The following PGBD5 variants were observed in gnomAD, a reference collection of about 807,000 sequenced individuals.
PGBD5 encodes the protein piggyBac transposable element-derived protein 5.
A neutral mutation model predicts 47.9 loss-of-function variants in PGBD5; 14 were observed. The observed-to-expected ratio is 0.29, with a 90% CI of 0.19 to 0.46. The LOEUF (loss-of-function observed/expected upper bound fraction) is 0.46, where lower values mean the gene tolerates loss of function less well. Among genes scored for constraint, PGBD5 ranks in the 20% least tolerant of loss-of-function variants. PGBD5 has a pLI of 1.00. For missense variants in PGBD5, 635 were observed against 716.0 expected, an observed-to-expected ratio of 0.89 and a Z score of 1.29; for synonymous variants, 316 against 306.3, an observed-to-expected ratio of 1.03 and a Z score of -0.33.
intron 3 of PGBD5, among the ~76,000 whole-genome samples, chr1:230,341,168 C>T (rs138331028): frequency 0.024 from 3,658 of 152,192 alleles, 79 homozygotes; most frequent in South Asian, 0.045. Flanking sequence ...AAAATAGGAC[C>T]TTCATTTAAA....
At chr1:230,333,243 C>T (rs1357226944) in intron 4 of PGBD5, among the ~76,000 whole-genome samples, 1 of 152,144 alleles carries the variant, frequency 6.6e-6, no homozygotes, top group African/African-American at 2.4e-5. Flanking sequence ...CTCCCCGTGA[C>T]AATCTCCCCA....
chr1:230,356,975 C>A lies in PGBD5; in HGVS notation c.678G>T (p.Thr226=), dbSNP rs753899757. 1.2e-6 allele frequency: 2 copies of A among 1,614,158 alleles called. No homozygotes were observed. Among genetic ancestry groups the A allele is most frequent in the South Asian group, 1.1e-5 (1 of 91,076 alleles). The part of the protein sequence containing the change: ...HVVAFRSSQT[T]HGLYKVQPFL... ...AGGGCTGGACCTTGTAGAGCCCGTG[C>A]GTGGTCTGGCTGGAGCGGAAGGCCA... Residue 226 remains threonine (T), a synonymous_variant, in exon 2 of 7, where the codon ACG becomes ACT. Coordinates refer to ENST00000391860, the MANE Select transcript of PGBD5 (RefSeq NM_001258311.2).
At chr1:230,351,573 A>G (rs1667561279) in intron 2 of PGBD5, among the ~76,000 whole-genome samples, 1 of 152,152 alleles carries the variant, frequency 6.6e-6, no homozygotes, top group Non-Finnish European at 1.5e-5. Context: ...ACTGAAACCT[A>G]GGGATGTGAC....
intron 4 of PGBD5, among the ~76,000 whole-genome samples, chr1:230,334,260 C>T (rs1305783463): frequency 1.3e-5 from 2 of 152,146 alleles, no homozygotes; most frequent in Non-Finnish European, 2.9e-5. Context: ...TCCTAGCAAC[C>T]GCACGTGACC....
intron 1 of PGBD5, among the ~76,000 whole-genome samples, chr1:230,412,860 G>A (rs375142301): frequency 2.0e-5 from 3 of 152,050 alleles, no homozygotes; most frequent in East Asian, 1.9e-4. Context: ...ATATATTTTC[G>A]CATGCATAAT....
In PGBD5 at chr1:230,351,011, G is replaced by A. The variant is rs757023085; in HGVS notation, c.841C>T (p.Arg281Trp). The A allele has an allele frequency of 8.1e-6, 13 of 1,613,966 alleles. No individual in the cohort carries two copies. The highest frequency in any genetic ancestry group is 1.6e-4 in the Middle Eastern group (1 of 6,084). ...TERELRKRKK[R>W]KFSLWVRQCS... The stretch of plus-strand genomic sequence containing the variant: ...TGTCTGACCCAGAGGCTGAATTTCC[G>A]CTTTTTCCTCTTTCGCAGCTCCCGC... Residue 281 changes from arginine (R) to tryptophan (W), a missense_variant, in exon 3 of 7, where the codon CGG (arginine) becomes TGG (tryptophan). Physicochemically the swap from Arg to Trp is moderately radical, Grantham distance 101. Transcript: ENST00000391860.
chr1:230,342,435 G>A (rs2102694896), intron 3 of PGBD5, among the ~76,000 whole-genome samples: 2 of 152,336 alleles, frequency 1.3e-5, no homozygotes, highest in South Asian at 4.1e-4. Context: ...AGCTATGAAG[G>A]TGAAAGTAAT....
At chr1:230,422,996 T>C (rs1459032628) in intron 1 of PGBD5, among the ~76,000 whole-genome samples, 3 of 150,974 alleles carry the variant, frequency 2.0e-5, no homozygotes, top group South Asian at 2.1e-4. Context: ...CAAAGGTTTC[T>C]AGGTCATCAG....
At chr1:230,388,985 T>G (rs1056356264) in intron 1 of PGBD5, among the ~76,000 whole-genome samples, 3 of 152,152 alleles carry the variant, frequency 2.0e-5, no homozygotes, top group African/African-American at 7.2e-5. Context: ...CTCTCTCCTA[T>G]GCCCACCACC....
At chr1:230,352,360 G>A (rs977628773) in intron 2 of PGBD5, among the ~76,000 whole-genome samples, 3 of 152,098 alleles carry the variant, frequency 2.0e-5, no homozygotes, top group African/African-American at 4.8e-5. Context: ...CTGTGAGGCC[G>A]GGTCTGAGAC....
chr1:230,319,880 G>T lies in PGBD5; in HGVS notation c.*3545C>A, dbSNP rs1303158168. ...TTTTTTTTTTTTTTTGTGGCGGGGT[G>T]GGGGTTGGAGTCTCGCTCTGTCACC... On this transcript the variant is annotated 3_prime_UTR_variant, in exon 7 of 7. Coordinates refer to ENST00000391860, the MANE Select transcript of PGBD5 (RefSeq NM_001258311.2). 2 of 145,804 alleles carry T rather than the reference G, an allele frequency of 1.4e-5. No individual in the cohort carries two copies. Among genetic ancestry groups the T allele is most frequent in the Non-Finnish European group, 3.0e-5 (2 of 66,382 alleles). 9.0% of individuals were successfully genotyped at this position (145,804 alleles called of 1,614,324 possible).
chr1:230,373,786 G>A lies in PGBD5; in HGVS notation c.332-16465C>T, dbSNP rs1159777599. Among the ~76,000 whole-genome samples the A allele has an allele frequency of 7.2e-5, 11 of 151,970 alleles. No homozygotes were observed. In the East Asian group the frequency reaches 7.7e-4, roughly 11 times the overall value. ...ATAGCTCGCTACAGCCTTAAACTCC[G>A]GGGCTCTAGCAATTCTCCCACCTCA... On this transcript the variant is annotated intron_variant, in intron 1 of 6. Transcript: ENST00000391860.
chr1:230,381,797 A>G (rs11807429), intron 1 of PGBD5, among the ~76,000 whole-genome samples: 12,807 of 151,032 alleles, frequency 0.085, 803 homozygotes, highest in African/African-American at 0.18. Context: ...AGTGTGAGCC[A>G]CCCCTCCCCT....
At chr1:230,335,820 GACACAGACATACACATACAC>G (rs1667311616) in intron 4 of PGBD5, among the ~76,000 whole-genome samples, 1 of 37,196 alleles carries the variant, frequency 2.7e-5, no homozygotes, top group Non-Finnish European at 7.4e-5. Flanking sequence ...CACATACACT[GACACAGACATACACATACAC>G]ACACAGACAC....
intron 2 of PGBD5, among the ~76,000 whole-genome samples, chr1:230,355,127 C>T (rs543202449): frequency 2.6e-5 from 4 of 152,304 alleles, no homozygotes; most frequent in East Asian, 1.9e-4. Context: ...CCTGGTACCC[C>T]GGTACTGCCC....
chr1:230,352,525 T>G (rs1170225387), intron 2 of PGBD5, among the ~76,000 whole-genome samples: 1 of 152,148 alleles, frequency 6.6e-6, no homozygotes, highest in East Asian at 1.9e-4. Flanking sequence ...GAATGCAAGG[T>G]TACCGTGCAT....
rs1667105705 is a variant in PGBD5 at position 230,325,724 on chromosome 1, G to A, written c.1274-309C>T. Among the ~76,000 whole-genome samples the A allele has an allele frequency of 2.6e-5, 4 of 152,248 alleles. No homozygotes were observed. In the South Asian group the frequency reaches 8.3e-4, roughly 32 times the overall value. ...GGGGCTCTAAGCAGCATGGGGAAGG[G>A]TGCTGCATCCGACTGGGCCTTGAAA... On this transcript the variant is annotated intron_variant, in intron 5 of 6. Coordinates refer to ENST00000391860, the MANE Select transcript of PGBD5 (RefSeq NM_001258311.2).
intron 1 of PGBD5, among the ~76,000 whole-genome samples, chr1:230,374,548 G>A (rs550730819): frequency 6.6e-6 from 1 of 152,164 alleles, no homozygotes; most frequent in Non-Finnish European, 1.5e-5. Context: ...CTAAGCATCA[G>A]CCATGATCCC....
intron 5 of PGBD5, among the ~76,000 whole-genome samples, chr1:230,326,706 C>A (rs1041980271): frequency 1.3e-5 from 2 of 152,116 alleles, no homozygotes; most frequent in East Asian, 3.9e-4. Flanking sequence ...AAACTCCTGG[C>A]CTTATGTGAT....
Sources: allele counts gnomAD v4.1 joint callset (sites outside exome capture counted in the v4.1 genomes callset), GRCh38; gene constraint gnomAD v4.1.1; transcripts MANE v1.5; gene names NCBI Gene and HGNC (gene_info 2026-07-23, HGNC 2026-07-21).